The following PRKD1 variants were observed in gnomAD, a reference collection of about 807,000 sequenced individuals.
The protein encoded by PRKD1 is protein kinase D1, also known as serine/threonine-protein kinase D1.
In PRKD1, 63 loss-of-function variants were observed where a neutral mutation model predicts 95.9. The observed-to-expected ratio is 0.66, with a 90% CI of 0.54 to 0.81. The LOEUF (loss-of-function observed/expected upper bound fraction) is 0.81, where lower values mean the gene tolerates loss of function less well. PRKD1 is among the 30% of genes least tolerant of loss of function. The pLI is 0.00. For synonymous variants in PRKD1, 425 were observed against 423.1 expected (o/e 1.00, Z -0.05); for missense variants, 1,048 against 1,165.3 (o/e 0.90, Z 1.47).
At chr14:29,587,312 A>G (rs948235376) in intron 16 of PRKD1, among the ~76,000 whole-genome samples, 3 of 152,144 alleles carry the variant, frequency 2.0e-5, no homozygotes, top group African/African-American at 7.2e-5. Context: ...CAGGGGTTAG[A>G]TAAGATTTTT....
intron 1 of PRKD1, among the ~76,000 whole-genome samples, chr14:29,742,299 G>C (rs146601341): frequency 6.6e-6 from 1 of 152,246 alleles, no homozygotes; most frequent in African/African-American, 2.4e-5. Flanking sequence ...TATTATTTTG[G>C]TCTTTCCGTT....
At chr14:29,618,601 A>G (rs1879031205) in intron 13 of PRKD1, among the ~76,000 whole-genome samples, 1 of 152,210 alleles carries the variant, frequency 6.6e-6, no homozygotes, top group Admixed American at 6.5e-5. Context: ...ATAATAGTGA[A>G]GTATTTACAG....
chr14:29,842,838 G>T (rs1421304277), intron 1 of PRKD1, among the ~76,000 whole-genome samples: 1 of 152,128 alleles, frequency 6.6e-6, no homozygotes, highest in Non-Finnish European at 1.5e-5. Flanking sequence ...CTGGGAGTAT[G>T]GACCAGGCAG....
At chr14:29,826,577 CAT>C (rs1891131457) in intron 1 of PRKD1, among the ~76,000 whole-genome samples, 2 of 113,344 alleles carry the variant, frequency 1.8e-5, no homozygotes, top group Non-Finnish European at 3.5e-5. Context: ...TATATATATA[CAT>C]ATATATGATG....
chr14:29,915,501 C>T (rs1894859905), intron 1 of PRKD1, among the ~76,000 whole-genome samples: 1 of 152,134 alleles, frequency 6.6e-6, no homozygotes, highest in South Asian at 2.1e-4. Flanking sequence ...TCAAATTTCA[C>T]TAATTTCCCC....
Position 29,789,829 on chromosome 14 carries a change from CAT to C in PRKD1, c.265-64157_265-64156del, listed in dbSNP as rs547597615. ...TCAATTCCCAGGCACCCAAATGACA[CAT>C]GAGTGTCAGCCATGGCAGGTGAGGT... is the stretch of plus-strand genomic sequence containing the variant. On this transcript the variant is annotated intron_variant, in intron 1 of 17. Transcript: ENST00000331968. Among the ~76,000 whole-genome samples the C allele has an allele frequency of 3.8e-4, 58 of 152,250 alleles. No individual in the cohort carries two copies. In the East Asian group the frequency reaches 9.9e-3, roughly 26 times the overall value.
intron 1 of PRKD1, among the ~76,000 whole-genome samples, chr14:29,765,777 T>C (rs568947816): frequency 1.3e-5 from 2 of 152,196 alleles, no homozygotes; most frequent in South Asian, 4.1e-4. Flanking sequence ...CATTAAAACA[T>C]CTACAGTACG....
At chr14:29,892,521 A>C (rs1893975033) in intron 1 of PRKD1, among the ~76,000 whole-genome samples, 1 of 152,086 alleles carries the variant, frequency 6.6e-6, no homozygotes, top group South Asian at 2.1e-4. Flanking sequence ...TCTCACAATA[A>C]AAGTCTTACA....
At chr14:29,861,236 G>C (rs1260497362) in intron 1 of PRKD1, among the ~76,000 whole-genome samples, 1 of 152,074 alleles carries the variant, frequency 6.6e-6, no homozygotes, top group Admixed American at 6.5e-5. Context: ...AGGGCTTTCT[G>C]TTTGATTGGT....
At chr14:29,926,097 T>A (rs1895285573) in intron 1 of PRKD1, among the ~76,000 whole-genome samples, 1 of 152,240 alleles carries the variant, frequency 6.6e-6, no homozygotes. Flanking sequence ...CTTTCACAAC[T>A]TTCTAGATCA....
At chr14:29,589,841 A>G (rs1245295852) in intron 16 of PRKD1, among the ~76,000 whole-genome samples, 2 of 152,188 alleles carry the variant, frequency 1.3e-5, no homozygotes, top group Non-Finnish European at 2.9e-5. Context: ...AAATAAATAA[A>G]GCCTCTTATA....
Position 29,597,688 on chromosome 14 carries a change from G to GTA in PRKD1, c.2235_2236dup (p.Thr746IlefsTer11), listed in dbSNP as rs758942253. 81 of 1,613,808 alleles carry GTA rather than the reference G, an allele frequency of 5.0e-5. No individual in the cohort carries two copies. The highest frequency in any genetic ancestry group is 6.1e-5 in the Non-Finnish European group (72 of 1,179,910). ...GACCTCAGGAGCCAGGTAAGCGGGG[G>GTA]TACCCACCACTGACCTCCGGAAAGA... On this transcript the variant is annotated frameshift_variant, in exon 16 of 18. Transcript: ENST00000331968. LOFTEE classifies it high-confidence loss of function.
chr14:29,611,084 CA>C (rs1878425847), intron 13 of PRKD1, among the ~76,000 whole-genome samples: 1 of 152,166 alleles, frequency 6.6e-6, no homozygotes, highest in African/African-American at 2.4e-5. Flanking sequence ...TGTAATTACA[CA>C]TTTGTCCAAA....
At chr14:29,666,690 A>G (rs1315865811) in intron 2 of PRKD1, among the ~76,000 whole-genome samples, 1 of 152,152 alleles carries the variant, frequency 6.6e-6, no homozygotes, top group African/African-American at 2.4e-5. Context: ...AAAGATAGAT[A>G]TAAAATATGA....
intron 1 of PRKD1, among the ~76,000 whole-genome samples, chr14:29,810,227 C>A (rs895456703): frequency 3.9e-5 from 6 of 152,114 alleles, no homozygotes; most frequent in African/African-American, 1.4e-4. Context: ...AAACATGACA[C>A]AGAAACTTGA....
At chr14:29,589,132 A>G (rs1011504848) in intron 16 of PRKD1, among the ~76,000 whole-genome samples, 1 of 152,120 alleles carries the variant, frequency 6.6e-6, no homozygotes, top group African/African-American at 2.4e-5. Flanking sequence ...GGGAATCTTC[A>G]TGGCCCATTA....
At chr14:29,889,152 G>A (rs1307676527) in intron 1 of PRKD1, among the ~76,000 whole-genome samples, 13 of 152,212 alleles carry the variant, frequency 8.5e-5, no homozygotes, top group Non-Finnish European at 1.9e-4. Flanking sequence ...GGATATAAGC[G>A]TCTAAAGTTC....
intron 1 of PRKD1, among the ~76,000 whole-genome samples, chr14:29,880,319 T>A (rs1893456391): frequency 6.6e-6 from 1 of 152,202 alleles, no homozygotes; most frequent in African/African-American, 2.4e-5. Flanking sequence ...AAGCTCAGGC[T>A]GTGGCTTCAG....
At chr14:29,897,507 G>A (rs551732097) in intron 1 of PRKD1, among the ~76,000 whole-genome samples, 1 of 152,290 alleles carries the variant, frequency 6.6e-6, no homozygotes, top group South Asian at 2.1e-4. Context: ...GGAGCAAACA[G>A]ACCTTCATCA....
Sources: gnomAD v4.1 joint callset for allele counts (sites outside exome capture counted in the v4.1 genomes callset) on GRCh38, gnomAD v4.1.1 for gene constraint, MANE v1.5 for transcripts, NCBI Gene and HGNC (gene_info 2026-07-23, HGNC 2026-07-21) for gene names.